The following STK39 variants were observed in gnomAD, a reference collection of about 807,000 sequenced individuals.
STK39 encodes the protein serine/threonine kinase 39.
Under a neutral mutation model 77.8 loss-of-function variants are expected in STK39, and 20 were observed. The observed-to-expected ratio is 0.26, with a 90% CI of 0.18 to 0.37. The LOEUF (loss-of-function observed/expected upper bound fraction) is 0.37. Ranked by LOEUF, STK39 falls within the 10% of genes least tolerant of loss-of-function variation. The probability of loss-of-function intolerance (pLI) is 1.00; values close to 1 mark genes in which losing one functional copy is unlikely to be tolerated. For synonymous variants in STK39, 246 were observed against 234.1 expected (o/e 1.05, Z -0.47); for missense variants, 479 against 656.5 (o/e 0.73, Z 2.95).
chr2:168,094,723 C>G (rs748807820), intron 10 of STK39, among the ~76,000 whole-genome samples: 1 of 152,116 alleles, frequency 6.6e-6, no homozygotes, highest in Non-Finnish European at 1.5e-5. Context: ...CTCCCCAGGG[C>G]TCCTTTGTTC....
At chr2:168,012,873 C>T (rs556192025) in intron 15 of STK39, among the ~76,000 whole-genome samples, 171 bp from the exon 16 acceptor site, 11 of 152,182 alleles carry the variant, frequency 7.2e-5, no homozygotes, top group Non-Finnish European at 1.0e-4. Context: ...CATTTTGCCA[C>T]GTGCCATTTG....
intron 5 of STK39, 150 bp downstream of exon 5, chr2:168,161,637 T>C: frequency 1.9e-6 from 1 of 537,878 alleles, no homozygotes; most frequent in Non-Finnish European, 3.2e-6. Flanking sequence ...ATAAGGAAAA[T>C]ATGTTATCCT....
At chr2:167,998,796 G>A (rs1173529051) in intron 16 of STK39, among the ~76,000 whole-genome samples, 1 of 152,148 alleles carries the variant, frequency 6.6e-6, no homozygotes, top group Non-Finnish European at 1.5e-5. Context: ...AGAACACTGG[G>A]ACATCATCTC....
At chr2:168,021,578 A>T (rs1462280619) in intron 14 of STK39, among the ~76,000 whole-genome samples, 2 of 152,206 alleles carry the variant, frequency 1.3e-5, no homozygotes, top group African/African-American at 2.4e-5. Flanking sequence ...AATAGGTATG[A>T]TTTAAGGCCA....
intron 16 of STK39, among the ~76,000 whole-genome samples, chr2:167,977,302 T>C (rs1396867844): frequency 6.6e-6 from 1 of 152,164 alleles, no homozygotes; most frequent in African/African-American, 2.4e-5. Flanking sequence ...CAATAATCAT[T>C]ATGTTATGGG....
intron 14 of STK39, among the ~76,000 whole-genome samples, chr2:168,033,614 T>C (rs891528565): frequency 2.6e-5 from 4 of 152,226 alleles, no homozygotes; most frequent in African/African-American, 9.6e-5. Context: ...AATACACTTA[T>C]TTTATTTGAA....
At chr2:168,065,467 C>A in intron 12 of STK39, 86 bp from the exon 13 acceptor site, 1 of 1,352,710 alleles carries the variant, frequency 7.4e-7, no homozygotes, top group Non-Finnish European at 1.1e-6. Context: ...AATTATCAGA[C>A]CCAATAATTT....
At chr2:168,221,202 A>G (rs1483634220) in intron 1 of STK39, among the ~76,000 whole-genome samples, 1 of 152,194 alleles carries the variant, frequency 6.6e-6, no homozygotes, top group African/African-American at 2.4e-5. Flanking sequence ...TTCTTAGAAC[A>G]ATGGTAAATT....
At chr2:168,179,970 C>T (rs776309747) in intron 2 of STK39, among the ~76,000 whole-genome samples, 25 of 152,190 alleles carry the variant, frequency 1.6e-4, no homozygotes, top group Middle Eastern at 3.4e-3. Flanking sequence ...CACAAGTACA[C>T]GCAAGCCTTA....
Position 167,964,425 on chromosome 2 carries a change from C to T in STK39, c.1563+237G>A, listed in dbSNP as rs144800949. The stretch of plus-strand genomic sequence containing the variant: ...GCTTCAAGATTCTTATATGGCCGCT[C>T]TTAGTCAAAGGTGTGACGATAAGAA... On this transcript the variant is annotated intron_variant, in intron 17 of 17. Transcript: ENST00000355999. The T allele has an allele frequency of 2.7e-4, 119 of 445,424 alleles. 2 individuals are homozygous for T. The highest frequency in any genetic ancestry group is 2.2e-3 in the African/African-American group (108 of 48,490). 27.6% of individuals were successfully genotyped at this position (445,424 alleles called of 1,614,324 possible).
intron 14 of STK39, among the ~76,000 whole-genome samples, chr2:168,021,532 A>C (rs111977597): frequency 2.3e-3 from 350 of 152,304 alleles, no homozygotes; most frequent in African/African-American, 8.0e-3. Flanking sequence ...TTTAATTGAT[A>C]TGGCACAGGA....
At chr2:168,218,223 A>G (rs988354001) in intron 1 of STK39, among the ~76,000 whole-genome samples, 2 of 152,234 alleles carry the variant, frequency 1.3e-5, no homozygotes, top group African/African-American at 2.4e-5. Flanking sequence ...ACTCTGAAAC[A>G]TCGGCACTGC....
At chr2:168,150,645 T>A (rs1688255326) in intron 5 of STK39, among the ~76,000 whole-genome samples, 1 of 151,902 alleles carries the variant, frequency 6.6e-6, no homozygotes, top group African/African-American at 2.4e-5. Flanking sequence ...GTAAGGGTGA[T>A]ATCAGGTTGG....
intron 1 of STK39, among the ~76,000 whole-genome samples, chr2:168,218,600 T>C (rs1690083089): frequency 6.6e-6 from 1 of 152,158 alleles, no homozygotes; most frequent in South Asian, 2.1e-4. Context: ...TGATTTTGTC[T>C]GAGTAAAAAG....
In STK39 at chr2:168,181,961, C is replaced by T. The variant is rs1689092198; in HGVS notation, c.321+17G>A. 6.2e-7 allele frequency: 1 copy of T among 1,604,738 alleles called. No homozygotes were observed. The highest frequency in any genetic ancestry group is 8.5e-7 in the Non-Finnish European group (1 of 1,171,692). ...TAAGAAAAGCAACCAGCAGGTATTCCCTGCACTGTTACTTACTAATAGTTC... is the reference window on the plus strand; with the variant it reads ...TAAGAAAAGCAACCAGCAGGTATTCTCTGCACTGTTACTTACTAATAGTTC... On this transcript the variant is annotated intron_variant, in intron 2 of 17. Coordinates refer to ENST00000355999, the MANE Select transcript of STK39 (RefSeq NM_013233.3).
intron 10 of STK39, among the ~76,000 whole-genome samples, chr2:168,083,129 C>T (rs1215464923): frequency 2.0e-5 from 3 of 152,132 alleles, no homozygotes; most frequent in Non-Finnish European, 4.4e-5. Flanking sequence ...TTTAGATACC[C>T]TACAATCCAG....
At chr2:168,044,581 A>T (rs999559715) in intron 14 of STK39, among the ~76,000 whole-genome samples, 1 of 152,226 alleles carries the variant, frequency 6.6e-6, no homozygotes, top group Non-Finnish European at 1.5e-5. Context: ...AACAGGAAGG[A>T]AAGTATAAAA....
At chr2:168,093,571 G>A (rs898015136) in intron 10 of STK39, among the ~76,000 whole-genome samples, 11 of 152,230 alleles carry the variant, frequency 7.2e-5, no homozygotes, top group African/African-American at 2.6e-4. Flanking sequence ...GATTTGGGTG[G>A]GGACACAGCC....
chr2:168,171,585 G>A (rs1454502022), intron 2 of STK39, among the ~76,000 whole-genome samples: 2 of 151,344 alleles, frequency 1.3e-5, no homozygotes, highest in African/African-American at 2.4e-5. Flanking sequence ...TTCCTGGCTC[G>A]AGCAATCTTC....
Sources: allele counts gnomAD v4.1 joint callset (sites outside exome capture counted in the v4.1 genomes callset), GRCh38; gene constraint gnomAD v4.1.1; transcripts MANE v1.5; gene names NCBI Gene and HGNC (gene_info 2026-07-23, HGNC 2026-07-21).